The following SEMA5B variants were observed in gnomAD, a reference collection of about 807,000 sequenced individuals.
The protein encoded by SEMA5B is semaphorin-5B.
Under a neutral mutation model 135.0 loss-of-function variants are expected in SEMA5B, and 66 were observed. The observed-to-expected ratio is 0.49, with a 90% CI of 0.40 to 0.60. The LOEUF is 0.60. SEMA5B is among the 20% of genes least tolerant of loss of function. SEMA5B has a pLI of 0.00. For synonymous variants in SEMA5B, 690 were observed against 639.5 expected (o/e 1.08, Z -1.19); for missense variants, 1,501 against 1,566.3 (o/e 0.96, Z 0.70).
At chr3:122,927,187 C>T (rs555749718) in intron 8 of SEMA5B, among the ~76,000 whole-genome samples, 51 of 152,218 alleles carry the variant, frequency 3.4e-4, no homozygotes, top group Non-Finnish European at 4.6e-4. Flanking sequence ...CCATACCCTC[C>T]CTCTCTTTCT....
chr3:122,965,433 A>G (rs1253821043), intron 1 of SEMA5B, among the ~76,000 whole-genome samples: 2 of 152,216 alleles, frequency 1.3e-5, no homozygotes, highest in Non-Finnish European at 2.9e-5. Flanking sequence ...TCCTTACAAG[A>G]GATAGACTCA....
chr3:123,000,695 A>G (rs1942147007), intron 1 of SEMA5B, among the ~76,000 whole-genome samples: 1 of 152,166 alleles, frequency 6.6e-6, no homozygotes, highest in African/African-American at 2.4e-5. Flanking sequence ...CTGTGACTCC[A>G]GCTAAAGCCG....
At chr3:122,911,222 C>A in intron 21 of SEMA5B, 177 bp from the exon 22 acceptor site, 3 of 1,061,910 alleles carry the variant, frequency 2.8e-6, no homozygotes, top group Non-Finnish European at 4.0e-6. Context: ...GGACCTCTTT[C>A]ACAAGGTACC....
intron 5 of SEMA5B, among the ~76,000 whole-genome samples, chr3:122,938,967 G>A (rs1939430559): frequency 6.6e-6 from 1 of 152,228 alleles, no homozygotes; most frequent in Non-Finnish European, 1.5e-5. Context: ...CATTCAGACT[G>A]GGCTAGGAAA....
At chr3:122,917,872 C>T (rs1938152193) in intron 12 of SEMA5B, among the ~76,000 whole-genome samples, 1 of 146,020 alleles carries the variant, frequency 6.8e-6, no homozygotes, top group African/African-American at 2.8e-5. Flanking sequence ...TAGAGTCCAT[C>T]AAACTGGACA....
chr3:123,012,618 C>T (rs1942462421), intron 1 of SEMA5B, among the ~76,000 whole-genome samples: 1 of 152,244 alleles, frequency 6.6e-6, no homozygotes, highest in Admixed American at 6.5e-5. Flanking sequence ...CCCAGCAGGA[C>T]TGGGCTGTGA....
At chr3:122,949,080 C>A (rs959057187) in intron 2 of SEMA5B, among the ~76,000 whole-genome samples, 1 of 152,022 alleles carries the variant, frequency 6.6e-6, no homozygotes, top group Non-Finnish European at 1.5e-5. Flanking sequence ...ACTTTATATA[C>A]TAGGAAAAAA....
intron 1 of SEMA5B, among the ~76,000 whole-genome samples, chr3:122,976,346 C>T (rs1941319763): frequency 6.6e-6 from 1 of 152,050 alleles, no homozygotes; most frequent in Non-Finnish European, 1.5e-5. Flanking sequence ...CTATTGCACA[C>T]TCAGTTGGGG....
At chr3:122,977,938 G>A (rs2107669571) in intron 1 of SEMA5B, among the ~76,000 whole-genome samples, 1 of 152,356 alleles carries the variant, frequency 6.6e-6, no homozygotes, top group Middle Eastern at 3.4e-3. Context: ...GCCGACTAAA[G>A]GGATGTTGGA....
chr3:122,953,856 G>A (rs1347425881), intron 2 of SEMA5B, among the ~76,000 whole-genome samples: 2 of 152,108 alleles, frequency 1.3e-5, no homozygotes, highest in African/African-American at 4.8e-5. Flanking sequence ...GGTCAAAGGG[G>A]TAGGCCCCAG....
At chr3:122,985,312 G>T (rs2107695919) in intron 1 of SEMA5B, among the ~76,000 whole-genome samples, 1 of 152,220 alleles carries the variant, frequency 6.6e-6, no homozygotes, top group South Asian at 2.1e-4. Context: ...GGGCAATATA[G>T]CAAGACCCTG....
chr3:122,982,205 T>C (rs1941541090), intron 1 of SEMA5B, among the ~76,000 whole-genome samples: 1 of 152,238 alleles, frequency 6.6e-6, no homozygotes, highest in Non-Finnish European at 1.5e-5. Context: ...TCATTTCCCA[T>C]GTGGAGGATT....
chr3:122,951,049 T>A (rs1940024812), intron 2 of SEMA5B, among the ~76,000 whole-genome samples: 1 of 152,214 alleles, frequency 6.6e-6, no homozygotes, highest in Admixed American at 6.5e-5. Context: ...TCCTTCCAGC[T>A]CAGCCTCTCT....
chr3:122,919,586 C>T (rs191929373), intron 12 of SEMA5B, among the ~76,000 whole-genome samples: 10 of 152,302 alleles, frequency 6.6e-5, no homozygotes, highest in Admixed American at 5.9e-4. Flanking sequence ...AATGCCTATC[C>T]TAGGACACAG....
intron 1 of SEMA5B, among the ~76,000 whole-genome samples, chr3:122,976,661 T>C (rs538531687): frequency 1.3e-5 from 2 of 152,346 alleles, no homozygotes; most frequent in Non-Finnish European, 2.9e-5. Context: ...ATCACACATC[T>C]ATCTACCCAT....
rs113375515 is a variant in SEMA5B, at chr3:122,912,355, G to C, written c.2726-13C>G. The C allele has an allele frequency of 8.9e-5, 140 of 1,573,018 alleles. No individual in the cohort carries two copies. In the African/African-American group the frequency reaches 1.7e-3, roughly 19 times the overall value. On this transcript the variant is annotated splice_polypyrimidine_tract_variant and intron_variant, in intron 18 of 22. Coordinates refer to ENST00000357599, the MANE Select transcript of SEMA5B (RefSeq NM_001031702.4). ...CAAGCACCCCGAACTGCAAGGGGAC[G>C]GGGTGTGTGAGGGGCTGTAGGGGCA...
chr3:122,914,638 T>C (rs1383596430), intron 14 of SEMA5B, among the ~76,000 whole-genome samples: 1 of 152,196 alleles, frequency 6.6e-6, no homozygotes, highest in African/African-American at 2.4e-5. Context: ...AATAGTTTTT[T>C]TAAGAGTGTC....
At chr3:123,025,743 G>A (rs927704802) in intron 1 of SEMA5B, among the ~76,000 whole-genome samples, 2 of 152,082 alleles carry the variant, frequency 1.3e-5, no homozygotes, top group Non-Finnish European at 2.9e-5. Flanking sequence ...CTACCCCCAC[G>A]CCCCAAGGCC....
chr3:122,947,849 C>A (rs1381544766), intron 3 of SEMA5B, among the ~76,000 whole-genome samples: 3 of 152,184 alleles, frequency 2.0e-5, no homozygotes, highest in Admixed American at 2.0e-4. Context: ...ATGACCCCCC[C>A]CAAACTGTGT....
Sources: allele counts gnomAD v4.1 joint callset (sites outside exome capture counted in the v4.1 genomes callset), GRCh38; gene constraint gnomAD v4.1.1; transcripts MANE v1.5; gene names NCBI Gene and HGNC (gene_info 2026-07-23, HGNC 2026-07-21).